Variants in EXT1 observed in about 807,000 individuals in gnomAD.
The protein encoded by EXT1 is exostosin-1.
Under a neutral mutation model 82.5 loss-of-function variants are expected in EXT1, and 20 were observed. The observed-to-expected ratio is 0.24, with a 90% CI of 0.17 to 0.35. The LOEUF is 0.35. Ranked by LOEUF, EXT1 falls within the 10% of genes least tolerant of loss-of-function variation. The pLI is 1.00. For synonymous variants in EXT1, 348 were observed against 350.8 expected (o/e 0.99, Z 0.09); for missense variants, 757 against 936.5 (o/e 0.81, Z 2.50).
chr8:117,816,991 T>TG (rs34190383), intron 7 of EXT1, among the ~76,000 whole-genome samples: 15,569 of 152,064 alleles, frequency 0.1, 1,160 homozygotes, highest in African/African-American at 0.21. Context: ...GGCTATTCTA[T>TG]GGGGGGGATG....
At chr8:118,065,719 C>A (rs1038271864) in intron 1 of EXT1, among the ~76,000 whole-genome samples, 1 of 152,150 alleles carries the variant, frequency 6.6e-6, no homozygotes, top group Admixed American at 6.5e-5. Flanking sequence ...AAACCAAGCA[C>A]GACCAAAAAC....
intron 3 of EXT1, among the ~76,000 whole-genome samples, chr8:117,835,023 G>A (rs1587003429): frequency 6.6e-6 from 1 of 152,074 alleles, no homozygotes; most frequent in Non-Finnish European, 1.5e-5. Flanking sequence ...TTTGAGGAAC[G>A]ATAACACTAA....
At chr8:117,921,442 T>C (rs2129637612) in intron 1 of EXT1, among the ~76,000 whole-genome samples, 1 of 152,292 alleles carries the variant, frequency 6.6e-6, no homozygotes, top group South Asian at 2.1e-4. Context: ...AAGGAAACAT[T>C]AGAAACATTG....
chr8:117,858,448 GATC>G (rs1169588444), intron 1 of EXT1, among the ~76,000 whole-genome samples: 2 of 152,062 alleles, frequency 1.3e-5, no homozygotes, highest in Non-Finnish European at 2.9e-5. Context: ...GAGGCAGGCA[GATC>G]ATTTGAGGTC....
chr8:117,824,332 CA>C (rs1343800174), intron 4 of EXT1, among the ~76,000 whole-genome samples: 1 of 152,164 alleles, frequency 6.6e-6, no homozygotes, highest in East Asian at 1.9e-4. Context: ...TTCGGCATCA[CA>C]ACATTGTTAT....
intron 1 of EXT1, among the ~76,000 whole-genome samples, chr8:117,910,991 C>G (rs967650111): frequency 6.6e-6 from 1 of 152,122 alleles, no homozygotes; most frequent in African/African-American, 2.4e-5. Flanking sequence ...AGGTGAAGGG[C>G]GTGAACTCTA....
intron 1 of EXT1, among the ~76,000 whole-genome samples, chr8:117,992,368 G>A (rs1815451480): frequency 6.6e-6 from 1 of 150,814 alleles, no homozygotes; most frequent in African/African-American, 2.4e-5. Flanking sequence ...GAGCAGCTCT[G>A]GGTATATAAT....
chr8:118,059,053 T>C (rs1816839560), intron 1 of EXT1, among the ~76,000 whole-genome samples: 1 of 152,228 alleles, frequency 6.6e-6, no homozygotes. Context: ...TAATCTAATG[T>C]GCATGTAAAT....
At chr8:118,105,117 T>C (rs1273289204) in intron 1 of EXT1, among the ~76,000 whole-genome samples, 1 of 152,154 alleles carries the variant, frequency 6.6e-6, no homozygotes, top group Non-Finnish European at 1.5e-5. Context: ...ACCTTCAAGA[T>C]GGTTGTGAGC....
intron 1 of EXT1, among the ~76,000 whole-genome samples, chr8:118,032,870 A>G (rs1816353036): frequency 6.6e-6 from 1 of 152,140 alleles, no homozygotes; most frequent in South Asian, 2.1e-4. Context: ...TTTTATAGAT[A>G]ACCAAGAATC....
intron 1 of EXT1, among the ~76,000 whole-genome samples, chr8:117,979,162 G>C (rs916274764): frequency 1.3e-5 from 2 of 152,184 alleles, no homozygotes; most frequent in East Asian, 3.9e-4. Flanking sequence ...AGACCAGCCT[G>C]GCCAATATGG....
At chr8:117,919,183 C>T (rs1266954441) in intron 1 of EXT1, among the ~76,000 whole-genome samples, 2 of 151,650 alleles carry the variant, frequency 1.3e-5, no homozygotes, top group Non-Finnish European at 2.9e-5. Flanking sequence ...ATTAAGAAGA[C>T]ATCTGAGGTG....
rs187123518 is a variant in EXT1, at chr8:118,044,757, G to A, written c.962+65328C>T. 3.1e-3 allele frequency among the ~76,000 whole-genome samples: 479 copies of A among 152,182 alleles called. 2 individuals carry two copies. The highest frequency in any genetic ancestry group is 5.6e-3 in the Non-Finnish European group (381 of 67,980). ...TCTTACTCTATTACCCAGGCTGGTC[G>A]AAAACTCGTGGGCTCAAGCCGTTCT... On this transcript the variant is annotated intron_variant, in intron 1 of 10. Transcript: ENST00000378204.
intron 1 of EXT1, among the ~76,000 whole-genome samples, chr8:117,974,470 G>A (rs111900824): frequency 1.4e-4 from 22 of 152,130 alleles, no homozygotes; most frequent in Non-Finnish European, 2.8e-4. Flanking sequence ...TCACCACCTG[G>A]AATTTTTGTT....
intron 1 of EXT1, among the ~76,000 whole-genome samples, chr8:117,873,155 G>A (rs1812903756): frequency 6.6e-6 from 1 of 152,180 alleles, no homozygotes; most frequent in Non-Finnish European, 1.5e-5. Flanking sequence ...CCCGCAGTCT[G>A]TAACCTGAAA....
At chr8:117,878,711 C>A (rs543600011) in intron 1 of EXT1, among the ~76,000 whole-genome samples, 1 of 152,294 alleles carries the variant, frequency 6.6e-6, no homozygotes, top group South Asian at 2.1e-4. Flanking sequence ...TACCTCAATG[C>A]CCTTTCTTAT....
intron 8 of EXT1, 150 bp from the exon 9 acceptor site, chr8:117,807,527 G>T: frequency 1.1e-6 from 1 of 874,616 alleles, no homozygotes; most frequent in Non-Finnish European, 1.8e-6. Context: ...TAAACTGACT[G>T]CTTGACATTT....
intron 1 of EXT1, among the ~76,000 whole-genome samples, chr8:117,857,310 A>G (rs1344979303): frequency 6.6e-6 from 1 of 152,114 alleles, no homozygotes; most frequent in African/African-American, 2.4e-5. Flanking sequence ...AATCCTGGCA[A>G]TTTGAGAGGC....
At chr8:117,906,446 A>G (rs1225171881) in intron 1 of EXT1, among the ~76,000 whole-genome samples, 1 of 152,204 alleles carries the variant, frequency 6.6e-6, no homozygotes, top group African/African-American at 2.4e-5. Flanking sequence ...AATTCTTCTA[A>G]CACAGCAGTC....
Sources: gnomAD v4.1 joint callset for allele counts (sites outside exome capture counted in the v4.1 genomes callset) on GRCh38, gnomAD v4.1.1 for gene constraint, MANE v1.5 for transcripts, NCBI Gene and HGNC (gene_info 2026-07-23, HGNC 2026-07-21) for gene names.